Variants in SMYD3 observed in about 807,000 individuals in gnomAD.
The protein encoded by SMYD3 is histone-lysine N-methyltransferase SMYD3.
SMYD3 carries 36 observed loss-of-function variants against 57.7 expected under a neutral mutation model. The ratio of observed to expected loss-of-function variants is 0.62; its 90% confidence interval spans 0.48 to 0.82. The LOEUF (loss-of-function observed/expected upper bound fraction) is 0.82, where lower values mean the gene tolerates loss of function less well. SMYD3 is among the 40% of genes least tolerant of loss of function. SMYD3 has a pLI of 0.00. For synonymous variants in SMYD3, 211 were observed against 195.0 expected (o/e 1.08, Z -0.68); for missense variants, 515 against 538.8 (o/e 0.96, Z 0.44).
chr1:246,120,840 G>C (rs2061413793), intron 5 of SMYD3, among the ~76,000 whole-genome samples: 1 of 152,136 alleles, frequency 6.6e-6, no homozygotes, highest in Non-Finnish European at 1.5e-5. Context: ...TAGGCTGTGA[G>C]ATCCAGAAGG....
At chr1:245,884,411 G>C (rs1184687624) in intron 8 of SMYD3, among the ~76,000 whole-genome samples, 1 of 152,116 alleles carries the variant, frequency 6.6e-6, no homozygotes, top group Admixed American at 6.5e-5. Flanking sequence ...AACCGGAGTG[G>C]TCCTTCCGGT....
intron 5 of SMYD3, among the ~76,000 whole-genome samples, chr1:246,006,323 G>A (rs553818392): frequency 6.6e-6 from 1 of 151,750 alleles, no homozygotes; most frequent in South Asian, 2.1e-4. Flanking sequence ...TGCTGGAGGG[G>A]CGGCGGGGGG....
At chr1:245,868,757 T>G (rs565827633) in intron 8 of SMYD3, among the ~76,000 whole-genome samples, 1 of 152,300 alleles carries the variant, frequency 6.6e-6, no homozygotes, top group South Asian at 2.1e-4. Context: ...CTACGGTAAC[T>G]GCCTCTCAGG....
intron 10 of SMYD3, among the ~76,000 whole-genome samples, chr1:245,807,399 T>C (rs921248425): frequency 6.6e-6 from 1 of 152,174 alleles, no homozygotes; most frequent in African/African-American, 2.4e-5. Flanking sequence ...AAGAAACATT[T>C]GGCCAAGGCC....
At chr1:246,223,631 C>T (rs2063287560) in intron 5 of SMYD3, among the ~76,000 whole-genome samples, 1 of 152,106 alleles carries the variant, frequency 6.6e-6, no homozygotes, top group South Asian at 2.1e-4. Context: ...GGACCTACGA[C>T]TATACTATAG....
chr1:246,293,632 A>G (rs544244535), intron 5 of SMYD3, among the ~76,000 whole-genome samples: 118 of 152,208 alleles, frequency 7.8e-4, no homozygotes, highest in African/African-American at 2.4e-3. Context: ...AAGAGCGTCT[A>G]TCCCAGGATT....
chr1:246,457,315 T>C (rs1015752118), intron 1 of SMYD3, among the ~76,000 whole-genome samples: 5 of 152,130 alleles, frequency 3.3e-5, no homozygotes, highest in African/African-American at 1.2e-4. Context: ...ATAAGGTCCA[T>C]GAGGTCAGGA....
Position 245,915,483 on chromosome 1 carries a change from T to C in SMYD3, c.813+47A>G, listed in dbSNP as rs370162934. ...CTAGGCAGAGTTCTCTGAAGATCATTGAGATTTTGCCGTGGAGGTGTTTCA... is the reference window on the plus strand; with the variant it reads ...CTAGGCAGAGTTCTCTGAAGATCATCGAGATTTTGCCGTGGAGGTGTTTCA... On this transcript the variant is annotated intron_variant, in intron 8 of 11. Coordinates refer to ENST00000490107, the MANE Select transcript of SMYD3 (RefSeq NM_001167740.2). 1.1e-4 allele frequency: 126 copies of C among 1,193,036 alleles called. 1 individual carries two copies. The highest frequency in any genetic ancestry group is 5.0e-4 in the East Asian group (21 of 42,208). 73.9% of individuals were successfully genotyped at this position (1,193,036 alleles called of 1,614,324 possible). A position where few individuals can be genotyped will look rare whatever the true frequency, so the allele number is the denominator to read the frequency against.
rs12096482 is a variant in SMYD3 at position 246,128,640 on chromosome 1, G to C, written c.531+198561C>G. 3.1e-3 allele frequency among the ~76,000 whole-genome samples: 478 copies of C among 152,252 alleles called. 2 individuals carry two copies. The highest frequency in any genetic ancestry group is 0.011 in the African/African-American group (457 of 41,524). On this transcript the variant is annotated intron_variant, in intron 5 of 11. Transcript: ENST00000490107. ...ACATGGTACAGCCAGTGAGCAGTGG[G>C]GCTGGCCCTCAAGCCCAGGCAGTCT... is the stretch of plus-strand genomic sequence containing the variant.
rs1042650783 is a variant in SMYD3, at chr1:245,984,030, G to A, written c.532-54093C>T. Among the ~76,000 whole-genome samples, 12 of 133,272 alleles carry A rather than the reference G, an allele frequency of 9.0e-5. No individual in the cohort carries two copies. In the East Asian group the frequency reaches 1.7e-3, roughly 19 times the overall value. 87.4% of individuals were successfully genotyped at this position (133,272 alleles called of 152,430 possible). A position where few individuals can be genotyped will look rare whatever the true frequency, so the allele number is the denominator to read the frequency against. ...TTTTTTTTTTTTTAAATGGAGTTTC[G>A]CTCTTGTTGCCCAGGCTGGAGTGCA... On this transcript the variant is annotated intron_variant, in intron 5 of 11. Transcript: ENST00000490107.
chr1:246,119,218 A>T (rs1320493593), intron 5 of SMYD3, among the ~76,000 whole-genome samples: 1 of 151,808 alleles, frequency 6.6e-6, no homozygotes, highest in Non-Finnish European at 1.5e-5. Context: ...AGTTGGTCTC[A>T]AACTCCTGGC....
chr1:245,894,727 G>A (rs1030925539), intron 8 of SMYD3, among the ~76,000 whole-genome samples: 4 of 152,184 alleles, frequency 2.6e-5, no homozygotes, highest in African/African-American at 9.7e-5. Flanking sequence ...CATGTGTTGG[G>A]CTGGGGATGG....
chr1:245,920,099 G>A lies in SMYD3; in HGVS notation c.703-4459C>T, dbSNP rs566527766. On this transcript the variant is annotated intron_variant, in intron 7 of 11. Coordinates refer to ENST00000490107, the MANE Select transcript of SMYD3 (RefSeq NM_001167740.2). ...GAGGCCAAGGCGGTAGGATCACGAG[G>A]TCAGGAGATTGAGACCATCCTGGCT... 5.8e-3 allele frequency among the ~76,000 whole-genome samples: 878 copies of A among 152,180 alleles called. 3 individuals carry two copies. The highest frequency in any genetic ancestry group is 8.4e-3 in the Non-Finnish European group (571 of 67,990).
intron 5 of SMYD3, among the ~76,000 whole-genome samples, chr1:246,199,150 C>A (rs1350919733): frequency 1.3e-5 from 2 of 151,984 alleles, no homozygotes; most frequent in Non-Finnish European, 2.9e-5. Flanking sequence ...AGTCCCAGTA[C>A]CTACTGTTCC....
rs866775890 is a variant in SMYD3, at chr1:246,156,288, C to T, written c.531+170913G>A. Among the ~76,000 whole-genome samples, 10 of 151,990 alleles carry T rather than the reference C, an allele frequency of 6.6e-5. No individual in the cohort carries two copies. The South Asian group carries it at 1.2e-3, about 19-fold the overall frequency. ...AAAGTGAAACAAAATAAAACAACAA[C>T]GTGAAGATTTTTTTAAATCCTGCCC... On this transcript the variant is annotated intron_variant, in intron 5 of 11. Coordinates refer to ENST00000490107, the MANE Select transcript of SMYD3 (RefSeq NM_001167740.2).
At chr1:245,794,736 A>C (rs1022450315) in intron 10 of SMYD3, among the ~76,000 whole-genome samples, 1 of 152,228 alleles carries the variant, frequency 6.6e-6, no homozygotes, top group Non-Finnish European at 1.5e-5. Context: ...CATTCTGGGT[A>C]AATTCCTCAC....
intron 10 of SMYD3, among the ~76,000 whole-genome samples, chr1:245,857,256 C>A (rs960831233): frequency 3.3e-5 from 5 of 152,228 alleles, no homozygotes; most frequent in African/African-American, 1.2e-4. Context: ...ATCCGCCTGG[C>A]TGGTGGAGCC....
intron 11 of SMYD3, among the ~76,000 whole-genome samples, chr1:245,752,464 G>A (rs2045430869): frequency 6.6e-6 from 1 of 152,176 alleles, no homozygotes; most frequent in African/African-American, 2.4e-5. Context: ...TTGACTCAGA[G>A]GCTAAATGAC....
intron 5 of SMYD3, among the ~76,000 whole-genome samples, chr1:246,216,793 C>T (rs573263941): frequency 2.0e-5 from 3 of 152,124 alleles, no homozygotes; most frequent in East Asian, 1.9e-4. Context: ...GATACCAGGC[C>T]AGTAAGTAAA....
Sources: allele counts gnomAD v4.1 joint callset (sites outside exome capture counted in the v4.1 genomes callset), GRCh38; gene constraint gnomAD v4.1.1; transcripts MANE v1.5; gene names NCBI Gene and HGNC (gene_info 2026-07-23, HGNC 2026-07-21).